Variants in PPP2R5D observed in about 807,000 individuals in gnomAD.
PPP2R5D encodes protein phosphatase 2 regulatory subunit B'delta, also known as serine/threonine-protein phosphatase 2A 56 kDa regulatory subunit delta isoform.
A neutral mutation model predicts 79.1 loss-of-function variants in PPP2R5D; 12 were observed. The ratio of observed to expected loss-of-function variants is 0.15; its 90% CI spans 0.10 to 0.25. The LOEUF (loss-of-function observed/expected upper bound fraction) is 0.25, where lower values mean the gene tolerates loss of function less well. Ranked by LOEUF, PPP2R5D falls within the 10% of genes least tolerant of loss-of-function variation. PPP2R5D has a pLI of 1.00. For synonymous variants in PPP2R5D, 277 were observed against 286.6 expected, an observed-to-expected ratio of 0.97 and a Z score of 0.34; for missense variants, 419 against 760.2, an observed-to-expected ratio of 0.55 and a Z score of 5.28.
intron 2 of PPP2R5D, among the ~76,000 whole-genome samples, chr6:42,994,031 G>A (rs2150256676): frequency 6.6e-6 from 1 of 152,284 alleles, no homozygotes; most frequent in South Asian, 2.1e-4. Flanking sequence ...TGTTAACTGG[G>A]CACAGTGGCT....
Position 43,007,920 on chromosome 6 carries a change from C to T in PPP2R5D, c.727-15C>T. 6.2e-7 allele frequency: 1 copy of T among 1,613,682 alleles called. No homozygotes were observed. Among genetic ancestry groups the T allele is most frequent in the African/African-American group, 1.3e-5 (1 of 75,052 alleles). On this transcript the variant is annotated splice_polypyrimidine_tract_variant and intron_variant, in intron 6 of 15. Transcript: ENST00000485511. The surrounding 1 kb of genome is among the most constrained non-coding windows in gnomAD (Gnocchi z 4.5). ...TGCTGCCTCACTGGCTGCTTTCCCT[C>T]CCTTGTACCCCCAGCTCCTAGACCT...
intron 2 of PPP2R5D, among the ~76,000 whole-genome samples, chr6:42,990,823 C>T (rs568696140): frequency 4.6e-5 from 7 of 150,688 alleles, no homozygotes; most frequent in African/African-American, 1.7e-4. Flanking sequence ...AATTCTCCTG[C>T]CTCAGCCTCC....
Position 43,011,272 on chromosome 6 carries a change from C to T in PPP2R5D, c.1795C>T (p.Gln599Ter). 1 of 1,613,934 alleles carries T rather than the reference C, an allele frequency of 6.2e-7. No homozygotes were observed. Among genetic ancestry groups the T allele is most frequent in the Non-Finnish European group, 8.5e-7 (1 of 1,179,976 alleles). Residue 599 changes from glutamine (Q) to a stop codon, truncating the protein, a stop_gained, in exon 16 of 16, where the codon CAG becomes TAG. Coordinates refer to ENST00000485511, the MANE Select transcript of PPP2R5D (RefSeq NM_006245.4). LOFTEE classifies it high-confidence loss of function. ...GGCGGAAGAGTTCCTAACTGCCAGC[C>T]AGGAGGCTCTCTGACCCCTCACGTT... is the stretch of plus-strand genomic sequence containing the variant. ...KRAEEFLTAS[Q>*]EAL is the part of the protein sequence containing the mutation.
chr6:42,989,774 G>T, intron 2 of PPP2R5D, 86 bp downstream of exon 2: 1 of 1,337,016 alleles, frequency 7.5e-7, no homozygotes, highest in Non-Finnish European at 1.0e-6. Context: ...ATCCCAGGGG[G>T]TGAGGCAGAA....
Position 43,010,619 on chromosome 6 carries a change from T to C in PPP2R5D, c.1482-45T>C, listed in dbSNP as rs1350151133. The stretch of plus-strand genomic sequence containing the variant: ...CTTTCATCTTCTACCACCAGCTCAC[T>C]GTGTTTCTCTCAAGCCCAACCCCAA... On this transcript the variant is annotated intron_variant, in intron 13 of 15. Coordinates refer to ENST00000485511, the MANE Select transcript of PPP2R5D (RefSeq NM_006245.4). The surrounding 1 kb of genome is among the most constrained non-coding windows in gnomAD (Gnocchi z 4.7). 1.2e-6 allele frequency: 2 copies of C among 1,613,180 alleles called. No homozygotes were observed. Among genetic ancestry groups the C allele is most frequent in the Admixed American group, 1.7e-5 (1 of 60,016 alleles).
intron 2 of PPP2R5D, among the ~76,000 whole-genome samples, chr6:42,994,571 G>T (rs184298403): frequency 6.3e-4 from 96 of 152,194 alleles, no homozygotes; most frequent in African/African-American, 2.2e-3. Flanking sequence ...TTGGGAGGCC[G>T]AGGCGGGCGG....
intron 2 of PPP2R5D, among the ~76,000 whole-genome samples, chr6:42,998,600 G>A (rs1205147712): frequency 6.6e-6 from 1 of 152,040 alleles, no homozygotes; most frequent in Non-Finnish European, 1.5e-5. Flanking sequence ...GGCCTCTATG[G>A]AGTCCCAGAA....
Position 43,007,059 on chromosome 6 carries a change from C to T in PPP2R5D, c.471C>T (p.Thr157=). 2 of 1,614,098 alleles carry T rather than the reference C, an allele frequency of 1.2e-6. No individual in the cohort carries two copies. The highest frequency in any genetic ancestry group is 1.1e-5 in the South Asian group (1 of 91,072). Residue 157 remains threonine (T), a synonymous_variant, in exon 4 of 16, where the codon ACC becomes ACT. Transcript: ENST00000485511. The surrounding 1 kb of genome is among the most constrained non-coding windows in gnomAD (Gnocchi z 4.5). ...TCAACGAGATGGTGGAGTACATCACCCATAGCCGTGATGTTGTCACTGAGG... is the reference window on the plus strand; with the variant it reads ...TCAACGAGATGGTGGAGTACATCACTCATAGCCGTGATGTTGTCACTGAGG... ...AGLNEMVEYI[T]HSRDVVTEAI... is the part of the protein sequence containing the mutation.
At chr6:43,001,744 G>A (rs1447428985) in intron 2 of PPP2R5D, among the ~76,000 whole-genome samples, 2 of 151,674 alleles carry the variant, frequency 1.3e-5, no homozygotes, top group African/African-American at 2.4e-5. Context: ...AAAATTAGCC[G>A]GGCGTGGTGG....
At chr6:43,005,987 A>T (rs1762051239) in intron 2 of PPP2R5D, among the ~76,000 whole-genome samples, 1 of 152,106 alleles carries the variant, frequency 6.6e-6, no homozygotes, top group South Asian at 2.1e-4. Context: ...CTGCTCAATA[A>T]ATTTTAGGTA....
At chr6:43,000,329 C>G (rs1413123053) in intron 2 of PPP2R5D, among the ~76,000 whole-genome samples, 1 of 149,706 alleles carries the variant, frequency 6.7e-6, no homozygotes. Context: ...CCTCTGCCTC[C>G]TGGGTTCAAG....
chr6:43,011,325 C>T lies in PPP2R5D; in HGVS notation c.*39C>T, dbSNP rs754448132. 3.7e-6 allele frequency: 6 copies of T among 1,611,812 alleles called. No homozygotes were observed. The Admixed American group carries it at 5.0e-5, about 13-fold the overall frequency. On this transcript the variant is annotated 3_prime_UTR_variant, in exon 16 of 16. Transcript: ENST00000485511. ...TACCACAGGGCCACAGCCCACACAG[C>T]CCTGGGACACTGCCCTGGCCCTCCA...
chr6:42,998,734 C>T (rs1048268669), intron 2 of PPP2R5D, among the ~76,000 whole-genome samples: 6 of 151,462 alleles, frequency 4.0e-5, no homozygotes, highest in African/African-American at 1.5e-4. Context: ...CCTGTCTCTA[C>T]AAAAACTACA....
rs1762063294 is a variant in PPP2R5D at position 43,006,115 on chromosome 6, T to C, written c.106-348T>C. ...GTGTCTTCTTATTCATCATGTGTCTTCTTAGCAATACCCACCCCATTTCCC... is the reference window on the plus strand; with the variant it reads ...GTGTCTTCTTATTCATCATGTGTCTCCTTAGCAATACCCACCCCATTTCCC... On this transcript the variant is annotated intron_variant, in intron 2 of 15. Transcript: ENST00000485511. This position sits in a 1 kb window ranked among gnomAD's most constrained non-coding sequence, Gnocchi z 4.7. Among the ~76,000 whole-genome samples, 1 of 152,212 alleles carries C rather than the reference T, an allele frequency of 6.6e-6. No homozygotes were observed. The highest frequency in any genetic ancestry group is 1.5e-5 in the Non-Finnish European group (1 of 68,030).
intron 2 of PPP2R5D, among the ~76,000 whole-genome samples, chr6:42,996,005 A>ATT (rs1320953993): frequency 1.8e-4 from 20 of 111,532 alleles, no homozygotes; most frequent in African/African-American, 2.7e-4. Context: ...GGGACTTTCT[A>ATT]TTTTTTTTTT....
At chr6:42,996,792 C>G (rs1176052181) in intron 2 of PPP2R5D, among the ~76,000 whole-genome samples, 1 of 152,198 alleles carries the variant, frequency 6.6e-6, no homozygotes, top group Non-Finnish European at 1.5e-5. Flanking sequence ...TTAAGCAACA[C>G]TAGATGGAGC....
Position 43,012,109 on chromosome 6 carries a change from T to C in PPP2R5D, c.*823T>C, listed in dbSNP as rs2150285069. On this transcript the variant is annotated 3_prime_UTR_variant, in exon 16 of 16. Transcript: ENST00000485511. ...CAAGCATGGCTCCTGCCAACACCTA[T>C]TTATTTCCTTGTTTGTGCTATGCTG... The C allele has an allele frequency of 1.3e-6, 1 of 743,340 alleles. No homozygotes were observed. Among genetic ancestry groups the C allele is most frequent in the Non-Finnish European group, 1.7e-6 (1 of 603,590 alleles). The allele number at this position is 743,340 out of a possible 1,614,324, so 46.0% of individuals were successfully genotyped here.
intron 1 of PPP2R5D, among the ~76,000 whole-genome samples, chr6:42,988,184 C>A (rs1581796192): frequency 6.6e-6 from 1 of 152,192 alleles, no homozygotes; most frequent in African/African-American, 2.4e-5. Flanking sequence ...CTTTTGCCCC[C>A]ATAGTCACAA....
chr6:43,011,509 T>C lies in PPP2R5D; in HGVS notation c.*223T>C. 1 of 605,964 alleles carries C rather than the reference T, an allele frequency of 1.7e-6. No homozygotes were observed. Among genetic ancestry groups the C allele is most frequent in the Non-Finnish European group, 2.9e-6 (1 of 350,074 alleles). The allele number at this position is 605,964 out of a possible 1,614,324, so 37.5% of individuals were successfully genotyped here. ...CCTGTGGCTAGTACAGGCTGAGCAC[T>C]AAGATGCTTAGTGCTCAGACAACCT... On this transcript the variant is annotated 3_prime_UTR_variant, in exon 16 of 16. Coordinates refer to ENST00000485511, the MANE Select transcript of PPP2R5D (RefSeq NM_006245.4).
Sources: gnomAD v4.1 joint callset for allele counts (sites outside exome capture counted in the v4.1 genomes callset) on GRCh38, gnomAD v4.1.1 for gene constraint, Gnocchi (gnomAD v3.1) non-coding constraint, MANE v1.5 for transcripts, NCBI Gene and HGNC (gene_info 2026-07-23, HGNC 2026-07-21) for gene names.